The following PARD3B variants were observed in gnomAD, a reference collection of about 807,000 sequenced individuals.
PARD3B encodes the protein par-3 family cell polarity regulator beta, also known as partitioning defective 3 homolog B.
Under a neutral mutation model 130.2 loss-of-function variants are expected in PARD3B, and 103 were observed. The ratio of observed to expected loss-of-function variants is 0.79; its 90% CI spans 0.67 to 0.93. The LOEUF (loss-of-function observed/expected upper bound fraction) is 0.93. PARD3B is among the 40% of genes least tolerant of loss of function. The pLI is 0.00. For missense variants in PARD3B, 1,609 were observed against 1,499.2 expected (o/e 1.07, Z -1.21); for synonymous variants, 583 against 553.2 (o/e 1.05, Z -0.76).
At chr2:204,701,214 C>T (rs1026026041) in intron 2 of PARD3B, among the ~76,000 whole-genome samples, 3 of 151,922 alleles carry the variant, frequency 2.0e-5, no homozygotes, top group African/African-American at 7.3e-5. Context: ...TTGCTTTTTC[C>T]TTGAACATTT....
intron 2 of PARD3B, among the ~76,000 whole-genome samples, chr2:204,931,579 T>C (rs994144473): frequency 6.7e-6 from 1 of 149,976 alleles, no homozygotes; most frequent in Non-Finnish European, 1.5e-5. Context: ...GAAGTATAAA[T>C]GCTTAGAAAT....
chr2:205,076,762 A>C (rs973708118), intron 4 of PARD3B, among the ~76,000 whole-genome samples: 1 of 150,806 alleles, frequency 6.6e-6, no homozygotes, highest in African/African-American at 2.5e-5. Context: ...ATTTCATCCC[A>C]AAACCATTAC....
At chr2:205,498,845 T>A (rs1445707306) in intron 20 of PARD3B, among the ~76,000 whole-genome samples, 1 of 152,194 alleles carries the variant, frequency 6.6e-6, no homozygotes, top group African/African-American at 2.4e-5. Context: ...TGCTCTCACC[T>A]TGTCAAAGTT....
chr2:205,610,186 C>A (rs556003757), intron 22 of PARD3B, among the ~76,000 whole-genome samples: 1 of 152,266 alleles, frequency 6.6e-6, no homozygotes, highest in South Asian at 2.1e-4. Flanking sequence ...TCCATCACGT[C>A]TGTTCTCAGG....
chr2:204,752,112 C>T (rs1559115970), intron 2 of PARD3B, among the ~76,000 whole-genome samples: 1 of 152,178 alleles, frequency 6.6e-6, no homozygotes, highest in Non-Finnish European at 1.5e-5. Flanking sequence ...ACCAGGGTTA[C>T]TTCCTTATAT....
At chr2:205,338,827 G>A (rs1009018553) in intron 18 of PARD3B, among the ~76,000 whole-genome samples, 2 of 152,124 alleles carry the variant, frequency 1.3e-5, no homozygotes, top group African/African-American at 4.8e-5. Flanking sequence ...AGAGGACATG[G>A]GTTGGAGTTC....
In PARD3B at chr2:205,265,586, AT is replaced by A. The variant is rs2040472796; in HGVS notation, c.2185+19765del. ...GATATACCGAGACTTCACCGAAGAG[AT>A]GTTCAGTGTAATATAATTATTTTGA... On this transcript the variant is annotated intron_variant, in intron 16 of 22. Coordinates refer to ENST00000406610, the MANE Select transcript of PARD3B (RefSeq NM_001302769.2). The surrounding 1 kb of genome is among the most constrained non-coding windows in gnomAD (Gnocchi z 4.3). Among the ~76,000 whole-genome samples the A allele has an allele frequency of 6.6e-6, 1 of 151,948 alleles. No individual in the cohort carries two copies. Among genetic ancestry groups the A allele is most frequent in the African/African-American group, 2.4e-5 (1 of 41,388 alleles).
intron 1 of PARD3B, among the ~76,000 whole-genome samples, chr2:204,655,661 T>C (rs1363284624): frequency 6.6e-6 from 1 of 152,192 alleles, no homozygotes; most frequent in Non-Finnish European, 1.5e-5. Context: ...TATGATGTGA[T>C]AAGCGCTAGC....
chr2:205,457,507 A>C (rs2048315861), intron 20 of PARD3B, among the ~76,000 whole-genome samples: 2 of 151,800 alleles, frequency 1.3e-5, no homozygotes, highest in South Asian at 4.2e-4. Flanking sequence ...ATTTATTTTA[A>C]CTGTTGCTTT....
chr2:205,549,012 G>A (rs1342910883), intron 21 of PARD3B, among the ~76,000 whole-genome samples: 2 of 152,080 alleles, frequency 1.3e-5, no homozygotes, highest in Admixed American at 6.6e-5. Context: ...AAATAAGACT[G>A]TGAAAAGATG....
At chr2:205,169,237 T>C (rs1171944886) in intron 11 of PARD3B, among the ~76,000 whole-genome samples, 1 of 152,154 alleles carries the variant, frequency 6.6e-6, no homozygotes, top group African/African-American at 2.4e-5. Context: ...TGTGTGGATT[T>C]TTATTGCACC....
intron 1 of PARD3B, among the ~76,000 whole-genome samples, chr2:204,559,250 C>T (rs938164580): frequency 4.6e-5 from 7 of 152,296 alleles, no homozygotes; most frequent in Non-Finnish European, 7.3e-5. Context: ...TCAGAATGAA[C>T]AGGCAACTTA....
chr2:205,444,572 A>T (rs1048095164), intron 20 of PARD3B, among the ~76,000 whole-genome samples: 1 of 152,248 alleles, frequency 6.6e-6, no homozygotes, highest in South Asian at 2.1e-4. Flanking sequence ...AATCCCGTAG[A>T]CAATGGGAGC....
At chr2:205,370,890 T>C (rs2044789002) in intron 18 of PARD3B, among the ~76,000 whole-genome samples, 1 of 152,130 alleles carries the variant, frequency 6.6e-6, no homozygotes, top group African/African-American at 2.4e-5. Flanking sequence ...TGGTTTGTCA[T>C]TTGTTGCTTT....
chr2:204,852,954 C>G (rs1217312616), intron 2 of PARD3B, among the ~76,000 whole-genome samples: 1 of 151,996 alleles, frequency 6.6e-6, no homozygotes, highest in African/African-American at 2.4e-5. Context: ...TATGGTATTT[C>G]TCAATTCTTT....
intron 2 of PARD3B, among the ~76,000 whole-genome samples, chr2:204,816,682 T>A (rs1201223027): frequency 6.6e-6 from 1 of 152,018 alleles, no homozygotes; most frequent in Non-Finnish European, 1.5e-5. Flanking sequence ...ATTTTTTTTT[T>A]ACCACTGATT....
At chr2:205,119,723 G>A (rs1275614607) in intron 7 of PARD3B, among the ~76,000 whole-genome samples, 6 of 152,116 alleles carry the variant, frequency 3.9e-5, no homozygotes, top group East Asian at 1.9e-4. Flanking sequence ...CAGAGGTTGC[G>A]GTGAGCCGAG....
At chr2:204,991,332 T>G (rs963963861) in intron 3 of PARD3B, among the ~76,000 whole-genome samples, 9 of 146,372 alleles carry the variant, frequency 6.1e-5, no homozygotes, top group Middle Eastern at 3.5e-3. Flanking sequence ...CGGTGTTTGG[T>G]TTTTTGTTCT....
chr2:204,770,639 G>A (rs147382881), intron 2 of PARD3B, among the ~76,000 whole-genome samples: 121 of 152,038 alleles, frequency 8.0e-4, no homozygotes, highest in Non-Finnish European at 1.4e-3. Flanking sequence ...GCAGATCTGC[G>A]ATGCATGATG....
Sources: allele counts gnomAD v4.1 joint callset (sites outside exome capture counted in the v4.1 genomes callset), GRCh38; gene constraint gnomAD v4.1.1; non-coding constraint Gnocchi (gnomAD v3.1); transcripts MANE v1.5; gene names NCBI Gene and HGNC (gene_info 2026-07-23, HGNC 2026-07-21).